The following PIWIL1 variants were observed in gnomAD, a reference collection of about 807,000 sequenced individuals.
The protein encoded by PIWIL1 is piwi like RNA-mediated gene silencing 1, also known as piwi-like protein 1.
Under a neutral mutation model 114.4 loss-of-function variants are expected in PIWIL1, and 73 were observed. The observed-to-expected ratio is 0.64, with a 90% CI of 0.53 to 0.78. The LOEUF is 0.78. PIWIL1 is among the 30% of genes least tolerant of loss of function. The probability of loss-of-function intolerance (pLI) is 0.00; values close to 1 mark genes in which losing one functional copy is unlikely to be tolerated. For missense variants in PIWIL1, 723 were observed against 1,063.1 expected (o/e 0.68, Z 4.45); for synonymous variants, 375 against 369.0 (o/e 1.02, Z -0.19).
At chr12:130,412,544 C>T in the PIWIL1 span, 24 of 1,386,290 alleles carry the variant, frequency 1.7e-5, no homozygotes, top group African/African-American at 7.2e-5. Flanking sequence ...TCCTCATCAC[C>T]GCCTGCCTCT....
downstream of PIWIL1, among the ~76,000 whole-genome samples, chr12:130,375,338 A>G (rs1449278675): frequency 6.6e-6 from 1 of 152,194 alleles, no homozygotes; most frequent in Non-Finnish European, 1.5e-5. Context: ...TAATGCTGTC[A>G]ATACATGTAT....
intron 11 of PIWIL1, 22 bp downstream of exon 11, chr12:130,355,027 G>A (rs770909284): frequency 1.4e-6 from 2 of 1,431,272 alleles, no homozygotes; most frequent in South Asian, 2.3e-5. Context: ...ATTTCACTGG[G>A]GCAGGGTTTC....
At chr12:130,394,469 C>A in the PIWIL1 span, among the ~76,000 whole-genome samples, 1 of 152,148 alleles carries the variant, frequency 6.6e-6, no homozygotes, top group African/African-American at 2.4e-5. Context: ...AGAAGTATAT[C>A]TTTTTTCTTT....
intron 18 of PIWIL1, among the ~76,000 whole-genome samples, chr12:130,366,838 T>C (rs2073673368): frequency 6.6e-6 from 1 of 152,196 alleles, no homozygotes; most frequent in Admixed American, 6.5e-5. Context: ...TTTGAAGACA[T>C]GCTGGATTTA....
the PIWIL1 span, among the ~76,000 whole-genome samples, chr12:130,407,461 G>T: frequency 6.6e-6 from 1 of 152,222 alleles, no homozygotes; most frequent in Admixed American, 6.5e-5. Context: ...GTGGATGACA[G>T]ATTGTTCTTT....
intron 18 of PIWIL1, among the ~76,000 whole-genome samples, chr12:130,363,437 A>G (rs1340119609): frequency 6.6e-6 from 1 of 152,128 alleles, no homozygotes; most frequent in Non-Finnish European, 1.5e-5. Context: ...CAAGTATCTG[A>G]TAATTCTGTA....
the PIWIL1 span, chr12:130,412,707 G>C: frequency 1.2e-6 from 2 of 1,613,560 alleles, no homozygotes; most frequent in Admixed American, 1.7e-5. Flanking sequence ...GTATCTCAGA[G>C]ACCATGTTAC....
the PIWIL1 span, among the ~76,000 whole-genome samples, chr12:130,394,145 C>T: frequency 6.6e-6 from 1 of 152,152 alleles, no homozygotes; most frequent in African/African-American, 2.4e-5. Context: ...CACATAGGGT[C>T]GGATTTCTTT....
At position 130,346,994 on chromosome 12, in the gene PIWIL1, C is replaced by T. The variant is rs769533570; in HGVS notation, c.585C>T (p.Ile195=). 3.1e-6 allele frequency: 5 copies of T among 1,613,678 alleles called. No homozygotes were observed. Among genetic ancestry groups the T allele is most frequent in the East Asian group, 4.5e-5 (2 of 44,866 alleles). The change falls in exon 6 of 21, where the codon ATC becomes ATT. Residue 195 remains isoleucine, a synonymous_variant. Coordinates refer to ENST00000245255, the MANE Select transcript of PIWIL1 (RefSeq NM_004764.5). ...ATGGAGAGGATGTGAGGATAACGAT[C>T]ACTTTAACAAATGAACTTCCACCTA... ...TRNGEDVRIT[I]TLTNELPPTS...
chr12:130,396,872 ACT>A, the PIWIL1 span: 1 of 152,608 alleles, frequency 6.6e-6, no homozygotes, highest in Non-Finnish European at 1.5e-5. Flanking sequence ...CAAAGTATAC[ACT>A]GTTTTTATTA....
At chr12:130,389,128 T>C in the PIWIL1 span, among the ~76,000 whole-genome samples, 1 of 152,178 alleles carries the variant, frequency 6.6e-6, no homozygotes, top group Non-Finnish European at 1.5e-5. Context: ...TTTCTCAGAT[T>C]CAATCATTCT....
At chr12:130,382,210 G>A in the PIWIL1 span, among the ~76,000 whole-genome samples, 2 of 152,210 alleles carry the variant, frequency 1.3e-5, no homozygotes, top group Non-Finnish European at 2.9e-5. Flanking sequence ...CAGGGGCCAC[G>A]AGGCCCTTCC....
the PIWIL1 span, among the ~76,000 whole-genome samples, chr12:130,403,723 C>A: frequency 6.6e-6 from 1 of 152,114 alleles, no homozygotes; most frequent in East Asian, 1.9e-4. Context: ...GTAATTCTAG[C>A]ATAATCCCGG....
chr12:130,409,594 C>T, the PIWIL1 span, among the ~76,000 whole-genome samples: 2 of 152,120 alleles, frequency 1.3e-5, no homozygotes, highest in Non-Finnish European at 2.9e-5. Flanking sequence ...CCGCCCACCT[C>T]GGCCTCCCAA....
At chr12:130,341,927 A>C (rs1229315995) in intron 1 of PIWIL1, among the ~76,000 whole-genome samples, 1 of 152,146 alleles carries the variant, frequency 6.6e-6, no homozygotes, top group African/African-American at 2.4e-5. Context: ...GAAATAAAGG[A>C]GTGGTTTTGA....
chr12:130,414,170 A>G, the PIWIL1 span: 2 of 1,614,194 alleles, frequency 1.2e-6, no homozygotes, highest in Non-Finnish European at 1.7e-6. Flanking sequence ...CCTCTGCAGC[A>G]TCTGGGTTTG....
chr12:130,392,467 T>C, the PIWIL1 span, among the ~76,000 whole-genome samples: 161 of 62,672 alleles, frequency 2.6e-3, 4 homozygotes, highest in Middle Eastern at 0.012. Flanking sequence ...GAATATTGAA[T>C]GTTGTGATGA....
At chr12:130,396,599 A>C in the PIWIL1 span, 1 of 152,700 alleles carries the variant, frequency 6.5e-6, no homozygotes, top group Non-Finnish European at 1.5e-5. Context: ...TGACAACGAA[A>C]GTAACAGAAA....
chr12:130,361,638 A>G, intron 16 of PIWIL1, 37 bp downstream of exon 16: 1 of 1,531,682 alleles, frequency 6.5e-7, no homozygotes, highest in Non-Finnish European at 9.0e-7. Context: ...GGCAGTGAGG[A>G]CATAAAGCAG....
Sources: allele counts gnomAD v4.1 joint callset (sites outside exome capture counted in the v4.1 genomes callset), GRCh38; gene constraint gnomAD v4.1.1; transcripts MANE v1.5; gene names NCBI Gene and HGNC (gene_info 2026-07-23, HGNC 2026-07-21).